PPFIBP2: variants seen among roughly 807,000 people sequenced by gnomAD.
PPFIBP2 encodes the protein PPFIB scaffold protein 2, also known as liprin-beta-2.
A neutral mutation model predicts 118.3 loss-of-function variants in PPFIBP2; 118 were observed. That is an observed-to-expected ratio of 1.00 (90% confidence interval 0.86 to 1.16). The LOEUF (loss-of-function observed/expected upper bound fraction) is 1.16, where lower values mean the gene tolerates loss of function less well. PPFIBP2 is among the 50% of genes most tolerant of loss of function. The pLI is 0.00. For missense variants in PPFIBP2, 1,195 were observed against 1,073.1 expected, an observed-to-expected ratio of 1.11 and a Z score of -1.59; for synonymous variants, 414 against 397.4, an observed-to-expected ratio of 1.04 and a Z score of -0.50.
chr11:7,622,797 A>G (rs1216286792), intron 7 of PPFIBP2, among the ~76,000 whole-genome samples: 2 of 152,140 alleles, frequency 1.3e-5, no homozygotes, highest in African/African-American at 4.8e-5. Context: ...TTCCATCACA[A>G]CACCCCACTC....
chr11:7,610,607 A>C (rs1847948329), intron 6 of PPFIBP2, 185 bp downstream of exon 6: 4 of 802,352 alleles, frequency 5.0e-6, no homozygotes, highest in Non-Finnish European at 7.5e-6. Flanking sequence ...TTTCAGCAAT[A>C]TCCAAACCAG....
At chr11:7,551,942 G>T (rs12362545) in intron 2 of PPFIBP2, among the ~76,000 whole-genome samples, 14,245 of 152,246 alleles carry the variant, frequency 0.094, 739 homozygotes, top group South Asian at 0.15. Flanking sequence ...AGTGTGGGTT[G>T]TGTGAAACCC....
chr11:7,601,251 T>C (rs774649406), intron 5 of PPFIBP2, among the ~76,000 whole-genome samples: 3 of 152,110 alleles, frequency 2.0e-5, no homozygotes, highest in Non-Finnish European at 4.4e-5. Context: ...CCAACTCCCA[T>C]CTGTTTTTGT....
rs751919065 is a variant in PPFIBP2, at chr11:7,649,522, C to G, written c.1999-10C>G. The G allele has an allele frequency of 1.4e-5, 22 of 1,614,080 alleles. No individual in the cohort carries two copies. Among genetic ancestry groups the G allele is most frequent in the East Asian group, 2.2e-5 (1 of 44,876 alleles). ...AACTCTGGTTTATAAACCAAACTTT[C>G]CTCTTTCAGAACGATTTACTCTTCT... On this transcript the variant is annotated splice_polypyrimidine_tract_variant and intron_variant, in intron 20 of 23. Coordinates refer to ENST00000299492, the MANE Select transcript of PPFIBP2 (RefSeq NM_003621.5).
At chr11:7,654,130 T>A (rs140586839), downstream of PPFIBP2, among the ~76,000 whole-genome samples, 48 of 152,318 alleles carry the variant, frequency 3.2e-4, 1 homozygote, top group African/African-American at 1.1e-3. Context: ...CTGGAAAGAC[T>A]CTCTTTCATG....
At chr11:7,618,151 G>A (rs1465255601) in intron 6 of PPFIBP2, among the ~76,000 whole-genome samples, 3 of 152,152 alleles carry the variant, frequency 2.0e-5, no homozygotes, top group African/African-American at 4.8e-5. Flanking sequence ...TAGGTGTTGC[G>A]GGAAGGGATT....
At chr11:7,607,279 C>T (rs1206250869) in intron 5 of PPFIBP2, among the ~76,000 whole-genome samples, 3 of 149,932 alleles carry the variant, frequency 2.0e-5, no homozygotes, top group African/African-American at 2.5e-5. Context: ...ATGATCACAG[C>T]TCACTGCAGC....
At chr11:7,543,632 C>A (rs1852007362) in intron 1 of PPFIBP2, among the ~76,000 whole-genome samples, 1 of 152,220 alleles carries the variant, frequency 6.6e-6, no homozygotes, top group South Asian at 2.1e-4. Flanking sequence ...TCAATTACAA[C>A]CTAACCATTT....
At chr11:7,645,088 C>T (rs1048786922) in intron 17 of PPFIBP2, among the ~76,000 whole-genome samples, 1 of 139,102 alleles carries the variant, frequency 7.2e-6, no homozygotes, top group Non-Finnish European at 1.6e-5. Flanking sequence ...AGTTTTAAGA[C>T]TGCTGACTAT....
chr11:7,563,896 T>C (rs1303548013), intron 2 of PPFIBP2, among the ~76,000 whole-genome samples: 2 of 152,228 alleles, frequency 1.3e-5, no homozygotes, highest in African/African-American at 4.8e-5. Flanking sequence ...CCAGGCGCAG[T>C]GGCTCACGCC....
intron 3 of PPFIBP2, among the ~76,000 whole-genome samples, chr11:7,567,631 G>A (rs982629194): frequency 2.6e-5 from 4 of 152,214 alleles, no homozygotes; most frequent in Non-Finnish European, 5.9e-5. Flanking sequence ...GCCTGTCTGT[G>A]TTTTAGATCT....
rs1394518612 is a variant in PPFIBP2 at position 7,549,540 on chromosome 11, G to T, written c.64+1G>T. 1 of 1,557,726 alleles carries T rather than the reference G, an allele frequency of 6.4e-7. No homozygotes were observed. Among genetic ancestry groups the T allele is most frequent in the African/African-American group, 1.4e-5 (1 of 72,900 alleles). ...GAGCAAATGGACGGGATCATTGCAG[G>T]TACGCCCAGGGAACCCCAGCAACCA... On this transcript the variant is annotated splice_donor_variant, in intron 2 of 23. Transcript: ENST00000299492. LOFTEE classifies it high-confidence loss of function.
chr11:7,582,220 C>T (rs1590360294), intron 3 of PPFIBP2, among the ~76,000 whole-genome samples: 1 of 152,122 alleles, frequency 6.6e-6, no homozygotes, highest in Admixed American at 6.5e-5. Flanking sequence ...GAACTGACAA[C>T]CTCTGGTTAC....
At chr11:7,606,886 ATTTTTTTTTTTTTTTTTTTTTTTTTTTTT>A (rs529585905) in intron 5 of PPFIBP2, among the ~76,000 whole-genome samples, 2 of 51,352 alleles carry the variant, frequency 3.9e-5, no homozygotes. Flanking sequence ...AACTGCATGA[ATTTTTTTTTTTTTTTTTTTTTTTTTTTTT>A]TTTTTTTTTT....
intron 2 of PPFIBP2, among the ~76,000 whole-genome samples, chr11:7,562,345 A>G (rs912495109): frequency 4.6e-5 from 7 of 152,194 alleles, no homozygotes; most frequent in African/African-American, 1.7e-4. Context: ...TCCTCACTAT[A>G]TGGACTTTTC....
rs977861289 is a variant in PPFIBP2, at chr11:7,616,244, T to C, written c.619-4691T>C. Among the ~76,000 whole-genome samples the C allele has an allele frequency of 6.6e-6, 1 of 152,096 alleles. No homozygotes were observed. Among genetic ancestry groups the C allele is most frequent in the Non-Finnish European group, 1.5e-5 (1 of 68,022 alleles). On this transcript the variant is annotated intron_variant, in intron 6 of 23. Coordinates refer to ENST00000299492, the MANE Select transcript of PPFIBP2 (RefSeq NM_003621.5). The surrounding 1 kb of genome is among the most constrained non-coding windows in gnomAD (Gnocchi z 5.2). ...GACAGATACAAAAAATTTAGGACAA[T>C]AGTCCCCCAAAGTGCTTGCTATAAG...
rs145703736 is a variant in PPFIBP2, at chr11:7,515,999, C to T, written c.-37+1878C>T. Among the ~76,000 whole-genome samples, 23 of 152,334 alleles carry T rather than the reference C, an allele frequency of 1.5e-4. No individual in the cohort carries two copies. In the East Asian group the frequency reaches 3.7e-3, roughly 24 times the overall value. On this transcript the variant is annotated intron_variant, in intron 1 of 23. Transcript: ENST00000299492. ...TGTGTTTCTAACAGATTCCCAGGAG[C>T]TTGCTGATCATTTCCCTATGTGTAG...
chr11:7,665,202 C>T, the PPFIBP2 span: 40 of 533,670 alleles, frequency 7.5e-5, no homozygotes, highest in Non-Finnish European at 1.3e-4. Flanking sequence ...AGCCAGTCTC[C>T]AGCCCCTTGA....
chr11:7,545,055 G>A (rs1270902908), intron 1 of PPFIBP2, among the ~76,000 whole-genome samples: 1 of 152,142 alleles, frequency 6.6e-6, no homozygotes, highest in Non-Finnish European at 1.5e-5. Flanking sequence ...GTGATACTAT[G>A]ATATACAGTA....
Sources: gnomAD v4.1 joint callset for allele counts (sites outside exome capture counted in the v4.1 genomes callset) on GRCh38, gnomAD v4.1.1 for gene constraint, Gnocchi (gnomAD v3.1) non-coding constraint, MANE v1.5 for transcripts, NCBI Gene and HGNC (gene_info 2026-07-23, HGNC 2026-07-21) for gene names.